The following COLGALT2 variants were observed in gnomAD, a reference collection of about 807,000 sequenced individuals.
COLGALT2 encodes procollagen galactosyltransferase 2.
COLGALT2 carries 49 observed loss-of-function variants against 73.4 expected under a neutral mutation model. The ratio of observed to expected loss-of-function variants is 0.67; its 90% CI spans 0.53 to 0.85. COLGALT2 has a LOEUF of 0.85. Among genes scored for constraint, COLGALT2 ranks in the 40% least tolerant of loss-of-function variants. The pLI is 0.00. For synonymous variants in COLGALT2, 295 were observed against 307.6 expected (o/e 0.96, Z 0.43); for missense variants, 722 against 790.2 (o/e 0.91, Z 1.03).
At chr1:183,996,408 C>T (rs1460609408) in intron 1 of COLGALT2, among the ~76,000 whole-genome samples, 2 of 152,138 alleles carry the variant, frequency 1.3e-5, no homozygotes, top group East Asian at 3.8e-4. Flanking sequence ...CAGTGCTGAA[C>T]AAAGACATCT....
chr1:184,035,840 T>C (rs1649655472), intron 1 of COLGALT2, among the ~76,000 whole-genome samples: 1 of 152,220 alleles, frequency 6.6e-6, no homozygotes, highest in South Asian at 2.1e-4. Flanking sequence ...CCACATAATA[T>C]GCCCTTCTCC....
intron 1 of COLGALT2, among the ~76,000 whole-genome samples, chr1:184,014,076 T>A (rs1015033169): frequency 6.6e-6 from 1 of 152,090 alleles, no homozygotes; most frequent in Non-Finnish European, 1.5e-5. Context: ...GATCTCTAGG[T>A]CTTGAGCTGG....
intron 8 of COLGALT2, among the ~76,000 whole-genome samples, chr1:183,947,291 A>G (rs1430700927): frequency 2.0e-5 from 3 of 152,190 alleles, no homozygotes; most frequent in Non-Finnish European, 2.9e-5. Context: ...ATAGCCAAAT[A>G]CACACTTTCA....
intron 2 of COLGALT2, among the ~76,000 whole-genome samples, chr1:183,975,862 G>A (rs760210549): frequency 2.6e-5 from 4 of 152,314 alleles, no homozygotes; most frequent in East Asian, 3.9e-4. Flanking sequence ...CAGCTGGCAC[G>A]GACATTGATA....
At chr1:184,009,820 C>A (rs561672000) in intron 1 of COLGALT2, among the ~76,000 whole-genome samples, 4 of 152,152 alleles carry the variant, frequency 2.6e-5, no homozygotes, top group Admixed American at 2.0e-4. Context: ...CTCTTCCTGC[C>A]TCTTGGTCAT....
At position 183,973,819 on chromosome 1, in the gene COLGALT2, C is replaced by T. The variant is rs774055857; in HGVS notation, c.493-69G>A. 54 of 1,463,526 alleles carry T rather than the reference C, an allele frequency of 3.7e-5. 1 individual carries two copies. The highest frequency in any genetic ancestry group is 5.1e-5 in the Non-Finnish European group (54 of 1,059,084). 90.7% of individuals were successfully genotyped at this position (1,463,526 alleles called of 1,614,324 possible). On this transcript the variant is annotated intron_variant, in intron 3 of 11. Coordinates refer to ENST00000361927, the MANE Select transcript of COLGALT2 (RefSeq NM_015101.4). ...AGTAATGAGTTTGAGAATAACCCAG[C>T]CCTTCTGAAGGATCCCAGAAACTTG...
At chr1:183,974,190 A>G (rs1351426397) in intron 3 of COLGALT2, among the ~76,000 whole-genome samples, 1 of 152,262 alleles carries the variant, frequency 6.6e-6, no homozygotes, top group Non-Finnish European at 1.5e-5. Context: ...AATGAATTTT[A>G]ATGTGACAAG....
rs946355735 is a variant in COLGALT2, at chr1:183,936,260, T to G, written c.*2501A>C. On this transcript the variant is annotated 3_prime_UTR_variant, in exon 12 of 12. Coordinates refer to ENST00000361927, the MANE Select transcript of COLGALT2 (RefSeq NM_015101.4). ...TTGGCTTAGGACTATAAGGGAGAGATAGGACAAATAATGAGGTCAAGGAAC... is the reference window on the plus strand; with the variant it reads ...TTGGCTTAGGACTATAAGGGAGAGAGAGGACAAATAATGAGGTCAAGGAAC... 16 of 985,340 alleles carry G rather than the reference T, an allele frequency of 1.6e-5. No individual in the cohort carries two copies. Among genetic ancestry groups the G allele is most frequent in the Non-Finnish European group, 1.9e-5 (16 of 829,900 alleles). The allele number at this position is 985,340 out of a possible 1,614,324, so 61.0% of individuals were successfully genotyped here. A position where few individuals can be genotyped will look rare whatever the true frequency, so the allele number is the denominator to read the frequency against.
In COLGALT2 at chr1:183,993,161, T is replaced by C. The variant is rs80280504; in HGVS notation, c.264-14641A>G. On this transcript the variant is annotated intron_variant, in intron 1 of 11. Coordinates refer to ENST00000361927, the MANE Select transcript of COLGALT2 (RefSeq NM_015101.4). ...CAGATAAAGAAGACAAAATGACTTT[T>C]GGGGTACTTCCTCTCTCTTTCATAA... Among the ~76,000 whole-genome samples the C allele has an allele frequency of 9.9e-3, 1,505 of 152,318 alleles. 23 individuals are homozygous for C. The highest frequency in any genetic ancestry group is 0.034 in the African/African-American group (1,419 of 41,574).
At chr1:184,027,882 A>G (rs1235598018) in intron 1 of COLGALT2, among the ~76,000 whole-genome samples, 3 of 152,222 alleles carry the variant, frequency 2.0e-5, no homozygotes, top group South Asian at 2.1e-4. Flanking sequence ...CAAGCCTTAC[A>G]TGCCAATTCC....
intron 8 of COLGALT2, among the ~76,000 whole-genome samples, chr1:183,947,599 T>C (rs1670285355): frequency 6.6e-6 from 1 of 152,140 alleles, no homozygotes; most frequent in South Asian, 2.1e-4. Context: ...ACACTTAACA[T>C]AGTACTTGGA....
chr1:183,937,900 G>A lies in COLGALT2; in HGVS notation c.*861C>T. 1 of 985,446 alleles carries A rather than the reference G, an allele frequency of 1.0e-6. No individual in the cohort carries two copies. Among genetic ancestry groups the A allele is most frequent in the Non-Finnish European group, 1.2e-6 (1 of 829,950 alleles). The allele number at this position is 985,446 out of a possible 1,614,324, so 61.0% of individuals were successfully genotyped here. ...GGCTAAGGGGTGGAGCGGAGAGCGT[G>A]AAGCTCTGTAGCAGCGCGCAAACCC... On this transcript the variant is annotated 3_prime_UTR_variant, in exon 12 of 12. Coordinates refer to ENST00000361927, the MANE Select transcript of COLGALT2 (RefSeq NM_015101.4).
rs1670028374 is a variant in COLGALT2 at position 183,938,651 on chromosome 1, T to C, written c.*110A>G. 1 of 1,488,344 alleles carries C rather than the reference T, an allele frequency of 6.7e-7. No homozygotes were observed. Among genetic ancestry groups the C allele is most frequent in the Non-Finnish European group, 8.9e-7 (1 of 1,118,442 alleles). The allele number at this position is 1,488,344 out of a possible 1,614,324, so 92.2% of individuals were successfully genotyped here. On this transcript the variant is annotated 3_prime_UTR_variant, in exon 12 of 12. Coordinates refer to ENST00000361927, the MANE Select transcript of COLGALT2 (RefSeq NM_015101.4). The stretch of plus-strand genomic sequence containing the variant: ...CACTAGATCACTTTGGTTAGATGAC[T>C]GTGACCACTAAGAACAAAACAAAAC...
intron 1 of COLGALT2, among the ~76,000 whole-genome samples, chr1:184,030,100 C>T (rs1438928346): frequency 2.0e-5 from 3 of 151,970 alleles, no homozygotes; most frequent in Non-Finnish European, 2.9e-5. Flanking sequence ...TTATTACTTT[C>T]CCATTTAAAA....
chr1:184,017,823 C>T lies in COLGALT2; in HGVS notation c.263+19272G>A, dbSNP rs528671160. Among the ~76,000 whole-genome samples, 5 of 152,148 alleles carry T rather than the reference C, an allele frequency of 3.3e-5. 1 individual carries two copies. The highest frequency in any genetic ancestry group is 3.9e-4 in the East Asian group (2 of 5,166). ...CTGTTTTGTCCTAAGCATGGCACTC[C>T]GGAAAAATCTTAATTTGTCTGAACT... On this transcript the variant is annotated intron_variant, in intron 1 of 11. Transcript: ENST00000361927.
At chr1:184,006,494 G>C (rs1304450702) in intron 1 of COLGALT2, among the ~76,000 whole-genome samples, 3 of 152,070 alleles carry the variant, frequency 2.0e-5, no homozygotes, top group African/African-American at 7.2e-5. Context: ...TGAGGCAGGA[G>C]AATCGCTTGA....
intron 1 of COLGALT2, among the ~76,000 whole-genome samples, chr1:184,016,548 G>A (rs1035188040): frequency 3.9e-5 from 6 of 152,230 alleles, no homozygotes; most frequent in Admixed American, 2.0e-4. Flanking sequence ...ATTGGGTGGG[G>A]CAGCAGGCAG....
intron 1 of COLGALT2, among the ~76,000 whole-genome samples, chr1:184,004,798 G>A (rs557622127): frequency 2.8e-4 from 42 of 152,274 alleles, no homozygotes; most frequent in Non-Finnish European, 4.9e-4. Context: ...AGGAGGGGGA[G>A]ATGGGAGTCA....
At chr1:183,967,040 T>A (rs1670895287) in intron 5 of COLGALT2, among the ~76,000 whole-genome samples, 1 of 152,240 alleles carries the variant, frequency 6.6e-6, no homozygotes. Context: ...AAGAGGAAAG[T>A]GCTTTGCTTT....
Sources: gnomAD v4.1 joint callset for allele counts (sites outside exome capture counted in the v4.1 genomes callset) on GRCh38, gnomAD v4.1.1 for gene constraint, MANE v1.5 for transcripts, NCBI Gene and HGNC (gene_info 2026-07-23, HGNC 2026-07-21) for gene names.